IST1: variants seen among roughly 807,000 people sequenced by gnomAD.
IST1 encodes the protein IST1 homolog.
A neutral mutation model predicts 37.0 loss-of-function variants in IST1; 23 were observed. The ratio of observed to expected loss-of-function variants is 0.62; its 90% CI spans 0.45 to 0.88. The LOEUF (loss-of-function observed/expected upper bound fraction) is 0.88. Among genes scored for constraint, IST1 ranks in the 40% least tolerant of loss-of-function variants. IST1 has a pLI of 0.00. For missense variants in IST1, 488 were observed against 445.4 expected, an observed-to-expected ratio of 1.10 and a Z score of -0.86; for synonymous variants, 180 against 161.7, an observed-to-expected ratio of 1.11 and a Z score of -0.86.
intron 4 of IST1, among the ~76,000 whole-genome samples, chr16:71,917,725 C>G (rs2037495491): frequency 6.6e-6 from 1 of 151,966 alleles, no homozygotes; most frequent in Non-Finnish European, 1.5e-5. Context: ...CTGTGTCATT[C>G]TTATCTCTCA....
chr16:71,897,723 ATCACCTGAGG>A (rs1363668743), intron 1 of IST1, among the ~76,000 whole-genome samples: 2 of 152,058 alleles, frequency 1.3e-5, no homozygotes, highest in Non-Finnish European at 2.9e-5. Context: ...AGGCGGGTGG[ATCACCTGAGG>A]TCAGGAGTTT....
At chr16:71,910,738 C>T (rs888289383) in intron 1 of IST1, among the ~76,000 whole-genome samples, 1 of 152,050 alleles carries the variant, frequency 6.6e-6, no homozygotes, top group African/African-American at 2.4e-5. Context: ...TTCATAAGGG[C>T]AAGGGTGGTT....
At chr16:71,925,818 G>C (rs1183403842) in intron 9 of IST1, among the ~76,000 whole-genome samples, 2 of 152,094 alleles carry the variant, frequency 1.3e-5, no homozygotes, top group African/African-American at 4.8e-5. Context: ...ATCTGAGCTT[G>C]GTGGTATGGA....
In IST1 at chr16:71,927,934, C is replaced by G. The variant is rs1567477449; in HGVS notation, c.*121C>G. On this transcript the variant is annotated 3_prime_UTR_variant, in exon 10 of 10. Transcript: ENST00000378799. ...TAACCGTCACTCAGCACAACACTCC[C>G]TCTGGGCTCTCTTCCTGCTCCTCCA... 5.7e-6 allele frequency: 4 copies of G among 698,004 alleles called. No homozygotes were observed. The highest frequency in any genetic ancestry group is 7.5e-6 in the Non-Finnish European group (3 of 401,800). The allele number at this position is 698,004 out of a possible 1,614,324, so 43.2% of individuals were successfully genotyped here.
At chr16:71,914,330 T>G (rs761633182) in intron 1 of IST1, among the ~76,000 whole-genome samples, 3 of 151,872 alleles carry the variant, frequency 2.0e-5, no homozygotes, top group Non-Finnish European at 4.4e-5. Context: ...AGCTAATTTT[T>G]TTTGTATTTT....
At chr16:71,908,026 C>A (rs774205413) in intron 1 of IST1, among the ~76,000 whole-genome samples, 1 of 152,076 alleles carries the variant, frequency 6.6e-6, no homozygotes, top group South Asian at 2.1e-4. Context: ...TCCACTTCAC[C>A]GTCCGCCTCC....
At chr16:71,897,570 G>A (rs1276340203) in intron 1 of IST1, among the ~76,000 whole-genome samples, 1 of 152,152 alleles carries the variant, frequency 6.6e-6, no homozygotes, top group Non-Finnish European at 1.5e-5. Context: ...TACAGGAAAA[G>A]TAACATGCCT....
intron 1 of IST1, among the ~76,000 whole-genome samples, chr16:71,914,634 G>T (rs1466033947): frequency 1.3e-5 from 2 of 152,110 alleles, no homozygotes; most frequent in Non-Finnish European, 1.5e-5. Context: ...TAAATGTAGG[G>T]TAAAGAAAGG....
At chr16:71,924,501 C>T (rs2037689706) in intron 8 of IST1, 1 of 551,726 alleles carries the variant, frequency 1.8e-6, no homozygotes, top group Admixed American at 3.1e-5. Flanking sequence ...TGAGGCGGGG[C>T]AATGGCTGGA....
In IST1 at chr16:71,929,357, A is replaced by G; in HGVS notation, c.*1544A>G. The G allele has an allele frequency of 1.8e-6, 1 of 570,266 alleles. No homozygotes were observed. Among genetic ancestry groups the G allele is most frequent in the Non-Finnish European group, 2.9e-6 (1 of 345,238 alleles). 35.3% of individuals were successfully genotyped at this position (570,266 alleles called of 1,614,324 possible). Reference sequence around the variant, plus strand: ...CAGCAGAGCTAGTTTGTCTCGTAGTATTCTTGCATTGTTAATCCTATCTTG... The same window carrying G: ...CAGCAGAGCTAGTTTGTCTCGTAGTGTTCTTGCATTGTTAATCCTATCTTG... On this transcript the variant is annotated 3_prime_UTR_variant, in exon 10 of 10. Coordinates refer to ENST00000378799, the MANE Select transcript of IST1 (RefSeq NM_001270975.2).
intron 1 of IST1, among the ~76,000 whole-genome samples, chr16:71,897,242 G>T (rs2036994551): frequency 6.9e-6 from 1 of 143,928 alleles, no homozygotes; most frequent in Non-Finnish European, 1.5e-5. Context: ...GACTGGTCTT[G>T]AACTCGTGGG....
At chr16:71,909,039 G>GT (rs1360019453) in intron 1 of IST1, among the ~76,000 whole-genome samples, 2 of 145,454 alleles carry the variant, frequency 1.4e-5, no homozygotes, top group Non-Finnish European at 3.0e-5. Flanking sequence ...AAGTACAGCT[G>GT]TTTAATTTTG....
Position 71,931,181 on chromosome 16 carries a change from A to G in IST1, c.*3368A>G, listed in dbSNP as rs1325345473. ...AGAAAAGTTCCTTTTTTATCCCCAA[A>G]AGGAGGTGTCAGCAAAAATTTGTTA... is the stretch of plus-strand genomic sequence containing the variant. On this transcript the variant is annotated 3_prime_UTR_variant, in exon 10 of 10. Transcript: ENST00000378799. 1 of 152,012 alleles carries G rather than the reference A, an allele frequency of 6.6e-6. No individual in the cohort carries two copies. Among genetic ancestry groups the G allele is most frequent in the Non-Finnish European group, 1.5e-5 (1 of 68,024 alleles). The allele number at this position is 152,012 out of a possible 1,614,324, so 9.4% of individuals were successfully genotyped here. A position where few individuals can be genotyped will look rare whatever the true frequency, so the allele number is the denominator to read the frequency against.
In IST1 at chr16:71,915,679, G is replaced by A; in HGVS notation, c.39G>A (p.Val13=). ...GSGFKAERLR[V]NLRLVINRLK... Reference sequence around the variant, plus strand: ...GATTTAAAGCTGAGCGCTTAAGAGTGAATTTGAGATTAGTCATAAATCGCC... The same window carrying A: ...GATTTAAAGCTGAGCGCTTAAGAGTAAATTTGAGATTAGTCATAAATCGCC... Residue 13 remains valine, a synonymous_variant, in exon 2 of 10, where the codon GTG becomes GTA. Transcript: ENST00000378799. 1.2e-6 allele frequency: 2 copies of A among 1,613,488 alleles called. No homozygotes were observed. Among genetic ancestry groups the A allele is most frequent in the Non-Finnish European group, 1.7e-6 (2 of 1,179,816 alleles).
chr16:71,929,478 C>T lies in IST1; in HGVS notation c.*1665C>T. ...AGTATATTATAATTTTAAAGCTATG[C>T]CATGCAAAGATAAGTAGTAATACGC... is the stretch of plus-strand genomic sequence containing the variant. On this transcript the variant is annotated 3_prime_UTR_variant, in exon 10 of 10. Coordinates refer to ENST00000378799, the MANE Select transcript of IST1 (RefSeq NM_001270975.2). The T allele has an allele frequency of 2.1e-6, 3 of 1,419,292 alleles. No homozygotes were observed. Among genetic ancestry groups the T allele is most frequent in the East Asian group, 2.5e-5 (1 of 39,498 alleles). The allele number at this position is 1,419,292 out of a possible 1,614,324, so 87.9% of individuals were successfully genotyped here.
intron 1 of IST1, among the ~76,000 whole-genome samples, chr16:71,900,247 G>A (rs1597230908): frequency 6.7e-6 from 1 of 149,994 alleles, no homozygotes; most frequent in South Asian, 2.1e-4. Context: ...AGTGTCTGTA[G>A]CCAGTCTTGA....
intron 9 of IST1, among the ~76,000 whole-genome samples, chr16:71,925,098 C>G (rs996036374): frequency 6.7e-6 from 1 of 148,680 alleles, no homozygotes; most frequent in Non-Finnish European, 1.5e-5. Context: ...CTGCAAGCTC[C>G]GCCTCCCGGG....
chr16:71,924,719 C>A, intron 8 of IST1, 50 bp from the exon 9 acceptor site: 1 of 1,403,696 alleles, frequency 7.1e-7, no homozygotes, highest in Non-Finnish European at 1.0e-6. Flanking sequence ...CCAGTACTTT[C>A]TCCAGTGACA....
chr16:71,895,472 A>C (rs2036943007), upstream of IST1: 2 of 976,070 alleles, frequency 2.0e-6, no homozygotes, highest in South Asian at 9.4e-5. Context: ...GGGCGTGGCT[A>C]TATCGGCCCC....
Sources: allele counts gnomAD v4.1 joint callset (sites outside exome capture counted in the v4.1 genomes callset), GRCh38; gene constraint gnomAD v4.1.1; transcripts MANE v1.5; gene names NCBI Gene and HGNC (gene_info 2026-07-23, HGNC 2026-07-21).